SLCO3A1: variants seen among roughly 807,000 people sequenced by gnomAD.
The protein encoded by SLCO3A1 is PGE1 transporter.
A neutral mutation model predicts 63.1 loss-of-function variants in SLCO3A1; 27 were observed. The observed-to-expected ratio is 0.43, with a 90% confidence interval of 0.32 to 0.59. SLCO3A1 has a LOEUF of 0.59. Ranked by LOEUF, SLCO3A1 falls within the 20% of genes least tolerant of loss-of-function variation. The pLI, the probability that SLCO3A1 is intolerant of heterozygous loss-of-function variation, is 0.09. For synonymous variants in SLCO3A1, 473 were observed against 409.9 expected, an observed-to-expected ratio of 1.15 and a Z score of -1.86; for missense variants, 773 against 945.8, an observed-to-expected ratio of 0.82 and a Z score of 2.40.
In SLCO3A1 at chr15:91,863,395, G is replaced by T. The variant is rs1048646716; in HGVS notation, c.180+9307G>T. Reference sequence around the variant, plus strand: ...GGCCCCCTTAAGGTTGGCTTTCGAGGTTGCTCGTGCAGTGTAGTGGGATGG... The same window carrying T: ...GGCCCCCTTAAGGTTGGCTTTCGAGTTTGCTCGTGCAGTGTAGTGGGATGG... On this transcript the variant is annotated intron_variant, in intron 1 of 9. Transcript: ENST00000318445. The surrounding 1 kb of genome is among the most constrained non-coding windows in gnomAD (Gnocchi z 4.3). 5.3e-5 allele frequency among the ~76,000 whole-genome samples: 8 copies of T among 152,246 alleles called. No homozygotes were observed. Among genetic ancestry groups the T allele is most frequent in the Admixed American group, 3.9e-4 (6 of 15,286 alleles).
chr15:91,956,975 TAG>T lies in SLCO3A1; in HGVS notation c.646+40518_646+40519del, dbSNP rs779915628. ...GCTAATTTATTTATATATATATATA[TAG>T]TATATATAATATATAGTATATATTA... On this transcript the variant is annotated intron_variant, in intron 2 of 9. Transcript: ENST00000318445. Among the ~76,000 whole-genome samples, 115 of 29,468 alleles carry T rather than the reference TAG, an allele frequency of 3.9e-3. 15 individuals carry two copies. The highest frequency in any genetic ancestry group is 0.032 in the African/African-American group (69 of 2,158). 19.3% of individuals were successfully genotyped at this position (29,468 alleles called of 152,430 possible).
chr15:92,133,640 G>A (rs115048735), intron 7 of SLCO3A1, among the ~76,000 whole-genome samples: 3,365 of 145,234 alleles, frequency 0.023, 364 homozygotes, highest in African/African-American at 0.08. Flanking sequence ...TCTAGGGTGC[G>A]TGTGCCTTAG....
At chr15:91,935,819 G>T (rs1044828385) in intron 2 of SLCO3A1, among the ~76,000 whole-genome samples, 7 of 150,738 alleles carry the variant, frequency 4.6e-5, no homozygotes, top group South Asian at 4.2e-4. Context: ...TCTTGGAGTT[G>T]TTTTTTTTTC....
intron 2 of SLCO3A1, among the ~76,000 whole-genome samples, chr15:92,026,378 C>T (rs1422121172): frequency 6.6e-6 from 1 of 152,194 alleles, no homozygotes; most frequent in Non-Finnish European, 1.5e-5. Flanking sequence ...ACTAAGGAGA[C>T]AGAAGTGACG....
chr15:92,082,074 T>C (rs2047353560), intron 2 of SLCO3A1, among the ~76,000 whole-genome samples: 1 of 152,244 alleles, frequency 6.6e-6, no homozygotes, highest in Admixed American at 6.5e-5. Context: ...TAACACCTAA[T>C]TTGTGCTCAA....
chr15:91,907,878 T>C (rs74368507), intron 1 of SLCO3A1, among the ~76,000 whole-genome samples: 3,333 of 152,104 alleles, frequency 0.022, 44 homozygotes, highest in Non-Finnish European at 0.034. Flanking sequence ...GCAGACTAGG[T>C]GATCAGAGAG....
intron 5 of SLCO3A1, among the ~76,000 whole-genome samples, chr15:92,122,517 T>C (rs1347966279): frequency 6.6e-6 from 1 of 152,184 alleles, no homozygotes; most frequent in Non-Finnish European, 1.5e-5. Context: ...TTGGGGAGGA[T>C]GTGGAGCCAC....
chr15:91,984,052 A>C (rs1429372055), intron 2 of SLCO3A1, among the ~76,000 whole-genome samples: 1 of 152,108 alleles, frequency 6.6e-6, no homozygotes, highest in African/African-American at 2.4e-5. Flanking sequence ...TCCCCAACCA[A>C]ACAAGGGTTC....
At chr15:92,138,025 T>G (rs1478551224) in intron 7 of SLCO3A1, among the ~76,000 whole-genome samples, 14 of 109,888 alleles carry the variant, frequency 1.3e-4, no homozygotes, top group East Asian at 5.3e-4. Context: ...TTGCTTTTGG[T>G]GTTTTGGACA....
At chr15:92,115,838 A>AAAAC (rs869286400) in intron 4 of SLCO3A1, among the ~76,000 whole-genome samples, 2 of 150,652 alleles carry the variant, frequency 1.3e-5, no homozygotes, top group Non-Finnish European at 3.0e-5. Context: ...AAAAAAAAAA[A>AAAAC]TGGACTAAGT....
intron 2 of SLCO3A1, among the ~76,000 whole-genome samples, chr15:91,920,017 G>A (rs1327988726): frequency 1.3e-5 from 2 of 152,164 alleles, no homozygotes; most frequent in Admixed American, 1.3e-4. Flanking sequence ...ATGAGCATTT[G>A]TTTGTTACTA....
At chr15:92,130,824 G>C (rs1457966076) in intron 7 of SLCO3A1, among the ~76,000 whole-genome samples, 2 of 141,896 alleles carry the variant, frequency 1.4e-5, no homozygotes, top group African/African-American at 5.2e-5. Context: ...TATATTCCTG[G>C]TATGTGTACT....
chr15:91,926,599 G>GCGCGCT (rs1555450150), intron 2 of SLCO3A1, among the ~76,000 whole-genome samples: 5 of 145,748 alleles, frequency 3.4e-5, no homozygotes, highest in South Asian at 4.4e-4. Context: ...GTGTGTGTGC[G>GCGCGCT]CGCGCGCACG....
chr15:91,892,698 C>T (rs776740110), intron 1 of SLCO3A1, among the ~76,000 whole-genome samples: 6 of 152,158 alleles, frequency 3.9e-5, no homozygotes, highest in Non-Finnish European at 5.9e-5. Context: ...GAGGATCTTC[C>T]GTCTTACTCA....
chr15:91,916,721 C>T lies in SLCO3A1; in HGVS notation c.646+263C>T, dbSNP rs1898675112. On this transcript the variant is annotated intron_variant, in intron 2 of 9. Transcript: ENST00000318445. The surrounding 1 kb of genome is among the most constrained non-coding windows in gnomAD (Gnocchi z 6.2). ...CACCGCTTCAGTGGGAAAACATGAT[C>T]GGGAGGAGTTGTATGTTTATCTCTT... Among the ~76,000 whole-genome samples the T allele has an allele frequency of 1.3e-5, 2 of 152,174 alleles. No homozygotes were observed. Among genetic ancestry groups the T allele is most frequent in the South Asian group, 2.1e-4 (1 of 4,830 alleles).
At chr15:91,884,925 T>G (rs1298494834) in intron 1 of SLCO3A1, among the ~76,000 whole-genome samples, 1 of 152,134 alleles carries the variant, frequency 6.6e-6, no homozygotes, top group Admixed American at 6.6e-5. Flanking sequence ...TCAGTGTCTA[T>G]CCTAAAAACA....
At chr15:92,029,437 A>G (rs922663052) in intron 2 of SLCO3A1, among the ~76,000 whole-genome samples, 3 of 152,214 alleles carry the variant, frequency 2.0e-5, no homozygotes, top group African/African-American at 7.2e-5. Context: ...GTAGGTGTCC[A>G]TATATAAACT....
intron 2 of SLCO3A1, among the ~76,000 whole-genome samples, chr15:92,026,252 G>A (rs925063610): frequency 6.6e-6 from 1 of 152,082 alleles, no homozygotes; most frequent in Non-Finnish European, 1.5e-5. Flanking sequence ...TACTAGATTT[G>A]GCAAGAAACA....
At position 91,856,035 on chromosome 15, in the gene SLCO3A1, T is replaced by C. The variant is rs1384145518; in HGVS notation, c.180+1947T>C. ...GCAACTAGATGAATGGCCTAGCTCCTTTAGAAAGTTAAGAAGCCGAGTACT... is the reference window on the plus strand; with the variant it reads ...GCAACTAGATGAATGGCCTAGCTCCCTTAGAAAGTTAAGAAGCCGAGTACT... On this transcript the variant is annotated intron_variant, in intron 1 of 9. Transcript: ENST00000318445. This position sits in a 1 kb window ranked among gnomAD's most constrained non-coding sequence, Gnocchi z 4.9. 1.3e-5 allele frequency among the ~76,000 whole-genome samples: 2 copies of C among 152,048 alleles called. No homozygotes were observed. Among genetic ancestry groups the C allele is most frequent in the Admixed American group, 6.5e-5 (1 of 15,278 alleles).
Sources: gnomAD v4.1 joint callset for allele counts (sites outside exome capture counted in the v4.1 genomes callset) on GRCh38, gnomAD v4.1.1 for gene constraint, Gnocchi (gnomAD v3.1) non-coding constraint, MANE v1.5 for transcripts, NCBI Gene and HGNC (gene_info 2026-07-23, HGNC 2026-07-21) for gene names.